The following ENKD1 variants were observed in gnomAD, a reference collection of about 807,000 sequenced individuals.
ENKD1 encodes the protein enkurin domain-containing protein 1.
In ENKD1, 39 loss-of-function variants were observed where a neutral mutation model predicts 35.8. The observed-to-expected ratio is 1.09, with a 90% CI of 0.84 to 1.42. The LOEUF (loss-of-function observed/expected upper bound fraction) is 1.42. Ranked by LOEUF, ENKD1 falls within the 40% of genes most tolerant of loss-of-function variation. The pLI, the probability that ENKD1 is intolerant of heterozygous loss-of-function variation, is 0.00. For synonymous variants in ENKD1, 205 were observed against 198.6 expected, an observed-to-expected ratio of 1.03 and a Z score of -0.27; for missense variants, 474 against 471.3, an observed-to-expected ratio of 1.01 and a Z score of -0.05.
chr16:67,663,380 C>T, intron 6 of ENKD1, 40 bp downstream of exon 6: 1 of 1,611,596 alleles, frequency 6.2e-7, no homozygotes, highest in Non-Finnish European at 8.5e-7. Context: ...GCCCGGTCCC[C>T]AGTGGGGCCC....
Position 67,666,419 on chromosome 16 carries a change from G to C in ENKD1, c.24C>G (p.Ile8Met). MCEGPSRISGPIPPDPTL... is the reference protein window; with the variant it reads MCEGPSRMSGPIPPDPTL... ...TCGGGTCTGGGGGGATGGGCCCCGA[G>C]ATGCGGGACGGGCCCTCGCACATGC... Residue 8 changes from isoleucine (I) to methionine (M), a missense_variant, in exon 1 of 7, where the codon ATC (isoleucine) becomes ATG (methionine). Physicochemically the swap from Ile to Met is conservative, Grantham distance 10. Coordinates refer to ENST00000243878, the MANE Select transcript of ENKD1 (RefSeq NM_032140.3). The C allele has an allele frequency of 6.5e-7, 1 of 1,547,670 alleles. No individual in the cohort carries two copies. Among genetic ancestry groups the C allele is most frequent in the Non-Finnish European group, 8.7e-7 (1 of 1,155,446 alleles).
intron 2 of ENKD1, among the ~76,000 whole-genome samples, chr16:67,665,392 TTGAGACAGGGTCTC>T (rs1472297544): frequency 6.6e-6 from 1 of 152,112 alleles, no homozygotes; most frequent in African/African-American, 2.4e-5. Context: ...TTATTATTAT[TTGAGACAGGGTCTC>T]ACTCTGTCAC....
Position 67,666,265 on chromosome 16 carries a change from G to A in ENKD1, c.86C>T (p.Ala29Val), listed in dbSNP as rs759804345. 6.2e-7 allele frequency: 1 copy of A among 1,603,510 alleles called. No individual in the cohort carries two copies. Among genetic ancestry groups the A allele is most frequent in the Non-Finnish European group, 8.5e-7 (1 of 1,175,554 alleles). ...CPDNYRRPTSAQGRLEGNALK... is the reference protein window; with the variant it reads ...CPDNYRRPTSVQGRLEGNALK... ...CGCGTTTCCCTCGAGGCGCCCTTGAGCTGTGGGGCGGAGCCGGGCGGAGTC... is the reference window on the plus strand; with the variant it reads ...CGCGTTTCCCTCGAGGCGCCCTTGAACTGTGGGGCGGAGCCGGGCGGAGTC... Residue 29 changes from alanine (A) to valine (V), a missense_variant and splice_region_variant, in exon 2 of 7, where the codon GCT (alanine) becomes GTT (valine). Physicochemically the swap from Ala to Val is moderately conservative, Grantham distance 64 (BLOSUM62 0). Coordinates refer to ENST00000243878, the MANE Select transcript of ENKD1 (RefSeq NM_032140.3).
rs746262565 is a variant in ENKD1 at position 67,663,757 on chromosome 16, T to TC, written c.642dup (p.Arg215GlufsTer67). On this transcript the variant is annotated frameshift_variant, in exon 5 of 7. Transcript: ENST00000243878. LOFTEE classifies it high-confidence loss of function. ...AGGACCTGCAGTGAGCAGGAATGCC[T>TC]CCGGGGGGCTCTCTTGGCAGCTCGT... 1 of 1,611,232 alleles carries TC rather than the reference T, an allele frequency of 6.2e-7. No individual in the cohort carries two copies. The highest frequency in any genetic ancestry group is 2.2e-5 in the East Asian group (1 of 44,776).
chr16:67,666,217 G>A lies in ENKD1; in HGVS notation c.134C>T (p.Ser45Phe), dbSNP rs554551471. The A allele has an allele frequency of 9.3e-6, 15 of 1,609,196 alleles. No individual in the cohort carries two copies. In the African/African-American group the frequency reaches 1.6e-4, roughly 17 times the overall value. The change falls in exon 2 of 7, where the codon TCC becomes TTC. Residue 45 changes from serine (S) to phenylalanine (F), a missense_variant. Physicochemically the swap from Ser to Phe is radical, Grantham distance 155 (BLOSUM62 -2). Transcript: ENST00000243878. The part of the protein sequence containing the change: ...GNALKLDLLT[S>F]DRALDTTAPR... ...AGCGGTGGTGTCCAGGGCCCGGTCG[G>A]AAGTCAGCAAGTCCAGCTTCAGCGC...
chr16:67,663,949 A>G lies in ENKD1; in HGVS notation c.567T>C (p.Gly189=). 1 of 1,605,072 alleles carries G rather than the reference A, an allele frequency of 6.2e-7. No individual in the cohort carries two copies. The change falls in exon 4 of 7, where the codon GGT becomes GGC. Residue 189 remains glycine, a synonymous_variant. Coordinates refer to ENST00000243878, the MANE Select transcript of ENKD1 (RefSeq NM_032140.3). ...TACATCCTCTCACCTTAGCTTCGGGACCTGGTGGGGTTGGCTGGGGACTAG... is the reference window on the plus strand; with the variant it reads ...TACATCCTCTCACCTTAGCTTCGGGGCCTGGTGGGGTTGGCTGGGGACTAG... ...HVSSPQPTPP[G]PEAKEPGLGV... is the part of the protein sequence containing the mutation.
rs1257861385 is a variant in ENKD1 at position 67,665,104 on chromosome 16, G to A, written c.345C>T (p.Phe115=). 1.9e-6 allele frequency: 3 copies of A among 1,613,946 alleles called. No homozygotes were observed. In the East Asian group the frequency reaches 6.7e-5, roughly 36 times the overall value. ...LRRIREIQKR[F]REQERSREQG... ...GCTCCCGGCTGCGCTCCTGTTCTCT[G>A]AAGCGCTTCTGAATCTCCCTGATCC... Residue 115 remains phenylalanine, a synonymous_variant, in exon 3 of 7, where the codon TTC becomes TTT. Transcript: ENST00000243878.
At chr16:67,663,373 C>G (rs368974361) in intron 6 of ENKD1, 47 bp downstream of exon 6, 2 of 1,611,506 alleles carry the variant, frequency 1.2e-6, no homozygotes, top group East Asian at 2.2e-5. Context: ...CAGGGGTGCC[C>G]GGTCCCCAGT....
In ENKD1 at chr16:67,665,069, G is replaced by A. The variant is rs1187225626; in HGVS notation, c.380C>T (p.Pro127Leu). The A allele has an allele frequency of 6.2e-7, 1 of 1,613,878 alleles. No individual in the cohort carries two copies. The highest frequency in any genetic ancestry group is 8.5e-7 in the Non-Finnish European group (1 of 1,179,984). ...GCGCCACAGAGCTTTCAGGGGCCTG[G>A]GCTGGCCCTGCTCCCGGCTGCGCTC... Reference protein sequence around the residue: ...EQERSREQGQPRPLKALWRSP... With the variant: ...EQERSREQGQLRPLKALWRSP... Residue 127 changes from proline to leucine, a missense_variant, in exon 3 of 7, where the codon CCC (proline) becomes CTC (leucine). Transcript: ENST00000243878.
chr16:67,664,851 C>T (rs2053079035), intron 3 of ENKD1, 145 bp downstream of exon 3: 3 of 1,050,796 alleles, frequency 2.9e-6, no homozygotes, highest in Admixed American at 3.0e-5. Flanking sequence ...TGAGAAGCCC[C>T]CCAGCCTCGC....
At position 67,666,416 on chromosome 16, in the gene ENKD1, C is replaced by G. The variant is rs776381197; in HGVS notation, c.27G>C (p.Ser9=). The G allele has an allele frequency of 1.3e-6, 2 of 1,551,252 alleles. No homozygotes were observed. Among genetic ancestry groups the G allele is most frequent in the Admixed American group, 1.9e-5 (1 of 53,366 alleles). The part of the protein sequence containing the change: MCEGPSRI[S]GPIPPDPTLC... The stretch of plus-strand genomic sequence containing the variant: ...GCGTCGGGTCTGGGGGGATGGGCCC[C>G]GAGATGCGGGACGGGCCCTCGCACA... Residue 9 remains serine (S), a synonymous_variant, in exon 1 of 7, where the codon TCG becomes TCC. Coordinates refer to ENST00000243878, the MANE Select transcript of ENKD1 (RefSeq NM_032140.3).
At chr16:67,664,304 T>C (rs1249428275) in intron 3 of ENKD1, 4 of 596,680 alleles carry the variant, frequency 6.7e-6, no homozygotes, top group East Asian at 6.8e-5. Flanking sequence ...TCTTTCCTCC[T>C]TCCTAGCCAA....
At position 67,666,566 on chromosome 16, in the gene ENKD1, C is replaced by T; in HGVS notation, c.-124G>A. The T allele has an allele frequency of 1.1e-6, 1 of 935,274 alleles. No homozygotes were observed. Among genetic ancestry groups the T allele is most frequent in the Non-Finnish European group, 1.5e-6 (1 of 674,370 alleles). 57.9% of individuals were successfully genotyped at this position (935,274 alleles called of 1,614,324 possible). ...CGGCACCCTGACCCTGGCGTGCCCG[C>T]CACTCCCGGGCCCCTGCCGGTCCCC... On this transcript the variant is annotated 5_prime_UTR_variant, in exon 1 of 7. Coordinates refer to ENST00000243878, the MANE Select transcript of ENKD1 (RefSeq NM_032140.3).
In ENKD1 at chr16:67,665,762, A is replaced by G. The variant is rs536781574; in HGVS notation, c.280+309T>C. On this transcript the variant is annotated intron_variant, in intron 2 of 6. Coordinates refer to ENST00000243878, the MANE Select transcript of ENKD1 (RefSeq NM_032140.3). ...TGATCTTTGTATCCCACCTTGACTC[A>G]GTGATGGCTCATGCTTATCTTCAGC... is the stretch of plus-strand genomic sequence containing the variant. Among the ~76,000 whole-genome samples, 241 of 152,332 alleles carry G rather than the reference A, an allele frequency of 1.6e-3. 2 individuals are homozygous for G. The South Asian group carries it at 0.029, about 19-fold the overall frequency.
Position 67,666,588 on chromosome 16 carries a change from C to T in ENKD1, c.-146G>A. ...CCGCCACTCCCGGGCCCCTGCCGGT[C>T]CCCGCCTGGGCCCCGGCCTCGCTCG... On this transcript the variant is annotated 5_prime_UTR_variant, in exon 1 of 7. Transcript: ENST00000243878. The T allele has an allele frequency of 4.1e-6, 3 of 722,932 alleles. No homozygotes were observed. The highest frequency in any genetic ancestry group is 6.2e-6 in the Non-Finnish European group (3 of 483,762). 44.8% of individuals were successfully genotyped at this position (722,932 alleles called of 1,614,324 possible).
intron 4 of ENKD1, 22 bp from the exon 5 acceptor site, chr16:67,663,842 G>A: frequency 1.9e-6 from 3 of 1,602,236 alleles, no homozygotes; most frequent in Non-Finnish European, 2.6e-6. Flanking sequence ...AGCAAGCGTG[G>A]GTGGGGGCAG....
At chr16:67,665,983 C>A in intron 2 of ENKD1, 88 bp downstream of exon 2, 1 of 1,412,588 alleles carries the variant, frequency 7.1e-7, no homozygotes, top group Non-Finnish European at 9.7e-7. Flanking sequence ...AAAGCCTGGG[C>A]CCACGTCAGG....
rs1173186823 is a variant in ENKD1 at position 67,666,404 on chromosome 16, GGGGAT to G, written c.34_38del (p.Ile12ProfsTer8). On this transcript the variant is annotated frameshift_variant, in exon 1 of 7. Coordinates refer to ENST00000243878, the MANE Select transcript of ENKD1 (RefSeq NM_032140.3). LOFTEE classifies it high-confidence loss of function. ...TGTCAGGACAGAGCGTCGGGTCTGG[GGGGAT>G]GGGCCCCGAGATGCGGGACGGGCCC... is the stretch of plus-strand genomic sequence containing the variant. 1 of 1,561,672 alleles carries G rather than the reference GGGGAT, an allele frequency of 6.4e-7. No homozygotes were observed. The highest frequency in any genetic ancestry group is 8.6e-7 in the Non-Finnish European group (1 of 1,162,138).
In ENKD1 at chr16:67,666,353, C is replaced by G. The variant is rs1418493290; in HGVS notation, c.85+5G>C. Reference sequence around the variant, plus strand: ...CTCGCACCACCGCCAAGCCCCCGGACTCACCCGAGGTCGGCCGCCTGTAGT... The same window carrying G: ...CTCGCACCACCGCCAAGCCCCCGGAGTCACCCGAGGTCGGCCGCCTGTAGT... On this transcript the variant is annotated splice_donor_5th_base_variant and intron_variant, in intron 1 of 6. Transcript: ENST00000243878. The G allele has an allele frequency of 1.3e-5, 21 of 1,581,730 alleles. No individual in the cohort carries two copies. The highest frequency in any genetic ancestry group is 1.7e-5 in the Non-Finnish European group (20 of 1,170,080).
Sources: allele counts gnomAD v4.1 joint callset (sites outside exome capture counted in the v4.1 genomes callset), GRCh38; gene constraint gnomAD v4.1.1; transcripts MANE v1.5; gene names NCBI Gene and HGNC (gene_info 2026-07-23, HGNC 2026-07-21).